Variants in NBEA observed in about 807,000 individuals in gnomAD.
NBEA encodes the protein lysosomal-trafficking regulator 2.
A neutral mutation model predicts 343.4 loss-of-function variants in NBEA; 44 were observed. That is an observed-to-expected ratio of 0.13 (90% CI 0.10 to 0.16). The LOEUF (loss-of-function observed/expected upper bound fraction) is 0.16. Among genes scored for constraint, NBEA ranks in the 10% least tolerant of loss-of-function variants. The pLI, the probability that NBEA is intolerant of heterozygous loss-of-function variation, is 1.00. For missense variants in NBEA, 2,555 were observed against 3,631.3 expected (o/e 0.70, Z 7.62); for synonymous variants, 1,175 against 1,238.7 (o/e 0.95, Z 1.08).
chr13:35,075,284 C>T (rs1265283193), intron 10 of NBEA, among the ~76,000 whole-genome samples: 2 of 152,068 alleles, frequency 1.3e-5, no homozygotes, highest in Non-Finnish European at 2.9e-5. Context: ...TCTGTCATAG[C>T]GTCTGTACAT....
At chr13:35,642,376 T>C (rs1487685123) in intron 49 of NBEA, among the ~76,000 whole-genome samples, 1 of 152,186 alleles carries the variant, frequency 6.6e-6, no homozygotes, top group Non-Finnish European at 1.5e-5. Context: ...TAATAATGGA[T>C]AACATAGATT....
chr13:35,107,010 A>G (rs961737005), intron 11 of NBEA, among the ~76,000 whole-genome samples: 14 of 151,864 alleles, frequency 9.2e-5, no homozygotes, highest in South Asian at 2.1e-4. Flanking sequence ...ACTGTATTCT[A>G]TTTTAGAGTT....
intron 29 of NBEA, among the ~76,000 whole-genome samples, 155 bp downstream of exon 29, chr13:35,182,683 C>T (rs2152731067): frequency 6.6e-6 from 1 of 151,862 alleles, no homozygotes; most frequent in South Asian, 2.1e-4. Flanking sequence ...CTTAATTCAA[C>T]AAAAATGTAT....
At chr13:35,293,933 A>C (rs376461201) in intron 35 of NBEA, among the ~76,000 whole-genome samples, 1 of 147,666 alleles carries the variant, frequency 6.8e-6, no homozygotes, top group East Asian at 2.1e-4. Flanking sequence ...CATTTAAAAA[A>C]TTCTTAGTAT....
chr13:35,528,434 C>T (rs1178173435), intron 41 of NBEA, among the ~76,000 whole-genome samples: 1 of 152,070 alleles, frequency 6.6e-6, no homozygotes, highest in Non-Finnish European at 1.5e-5. Flanking sequence ...GAAGCAATTC[C>T]ACAACTTGAT....
intron 1 of NBEA, among the ~76,000 whole-genome samples, chr13:35,010,741 A>AAAAAATAT (rs1555275017): frequency 3.1e-5 from 1 of 31,966 alleles, no homozygotes; most frequent in African/African-American, 1.0e-4. Flanking sequence ...AAAAAAAAAA[A>AAAAAATAT]ATATATATAT....
At chr13:35,521,240 T>A (rs2077696537) in intron 41 of NBEA, among the ~76,000 whole-genome samples, 2 of 152,150 alleles carry the variant, frequency 1.3e-5, no homozygotes, top group Admixed American at 1.3e-4. Flanking sequence ...TAGTTTTACA[T>A]CTGGTTATTG....
intron 41 of NBEA, among the ~76,000 whole-genome samples, chr13:35,494,838 C>T (rs2076619051): frequency 6.6e-6 from 1 of 151,546 alleles, no homozygotes; most frequent in Non-Finnish European, 1.5e-5. Context: ...GGCAAAACTC[C>T]ATCTCTACAA....
chr13:35,389,789 A>G (rs998906719), intron 38 of NBEA, among the ~76,000 whole-genome samples: 4 of 152,154 alleles, frequency 2.6e-5, no homozygotes, highest in Non-Finnish European at 5.9e-5. Context: ...TGGATTCTGC[A>G]AAAGAAAGGA....
chr13:35,411,398 G>A (rs9544281), intron 38 of NBEA, among the ~76,000 whole-genome samples: 149,826 of 152,172 alleles, frequency 0.98, 73,800 homozygotes, highest in East Asian at 1. Flanking sequence ...TTTTTTTGAT[G>A]AATTGTTGTA....
intron 34 of NBEA, chr13:35,251,469 T>C: frequency 9.4e-7 from 1 of 1,065,056 alleles, no homozygotes; most frequent in Admixed American, 4.7e-5. Context: ...GAGAGAGCTG[T>C]TCCCCAAGCC....
intron 33 of NBEA, among the ~76,000 whole-genome samples, chr13:35,215,519 TA>T (rs2074017853): frequency 1.3e-5 from 2 of 151,722 alleles, no homozygotes; most frequent in Admixed American, 1.3e-4. Flanking sequence ...TAATTTATCT[TA>T]AAAAATAGCA....
intron 35 of NBEA, among the ~76,000 whole-genome samples, chr13:35,299,612 T>A (rs1303401718): frequency 6.6e-6 from 1 of 152,188 alleles, no homozygotes; most frequent in African/African-American, 2.4e-5. Context: ...GACAAAACTA[T>A]CTAAAGACTT....
At chr13:35,162,586 T>A (rs2069652665) in intron 23 of NBEA, among the ~76,000 whole-genome samples, 1 of 152,046 alleles carries the variant, frequency 6.6e-6, no homozygotes, top group Non-Finnish European at 1.5e-5. Flanking sequence ...CTCTCTCCTC[T>A]TTCACTTTCT....
rs564955914 is a variant in NBEA, at chr13:35,346,391, T to C, written c.5904-2717T>C. ...TGAAGCCTCTCTACAAAATGTAGGC[T>C]GATAATATGATCAAAAGTTAATAAT... is the stretch of plus-strand genomic sequence containing the variant. On this transcript the variant is annotated intron_variant, in intron 36 of 58. Transcript: ENST00000379939. Among the ~76,000 whole-genome samples, 4 of 152,278 alleles carry C rather than the reference T, an allele frequency of 2.6e-5. No individual in the cohort carries two copies. The East Asian group carries it at 7.7e-4, about 29-fold the overall frequency.
At chr13:35,013,596 G>A (rs896078767) in intron 1 of NBEA, among the ~76,000 whole-genome samples, 3 of 151,520 alleles carry the variant, frequency 2.0e-5, no homozygotes, top group Non-Finnish European at 2.9e-5. Context: ...TCTGCCTCCC[G>A]AGTAGCTGGG....
At chr13:35,442,372 G>A (rs2045788462) in intron 39 of NBEA, among the ~76,000 whole-genome samples, 1 of 152,000 alleles carries the variant, frequency 6.6e-6, no homozygotes, top group Non-Finnish European at 1.5e-5. Context: ...TTAGTATAAT[G>A]AAATCTCATT....
At chr13:35,408,918 A>G (rs1246724046) in intron 38 of NBEA, among the ~76,000 whole-genome samples, 1 of 152,204 alleles carries the variant, frequency 6.6e-6, no homozygotes, top group Non-Finnish European at 1.5e-5. Flanking sequence ...CAGTTCAACC[A>G]TTGTGGAAGG....
chr13:35,301,180 T>G (rs2152826256), intron 35 of NBEA, among the ~76,000 whole-genome samples: 1 of 152,230 alleles, frequency 6.6e-6, no homozygotes, highest in South Asian at 2.1e-4. Context: ...GTTTTTTTTT[T>G]TTTAATTTTA....
Sources: allele counts gnomAD v4.1 joint callset (sites outside exome capture counted in the v4.1 genomes callset), GRCh38; gene constraint gnomAD v4.1.1; transcripts MANE v1.5; gene names NCBI Gene and HGNC (gene_info 2026-07-23, HGNC 2026-07-21).